Variants in KIAA1958 observed in about 807,000 individuals in gnomAD.
The protein encoded by KIAA1958 is KIAA1958.
KIAA1958 carries 14 observed loss-of-function variants against 47.2 expected under a neutral mutation model. That is an observed-to-expected ratio of 0.30 (90% CI 0.20 to 0.46). The LOEUF is 0.46. Among genes scored for constraint, KIAA1958 ranks in the 20% least tolerant of loss-of-function variants. The pLI, the probability that KIAA1958 is intolerant of heterozygous loss-of-function variation, is 1.00. For synonymous variants in KIAA1958, 354 were observed against 353.3 expected, an observed-to-expected ratio of 1.00 and a Z score of -0.02; for missense variants, 803 against 909.2, an observed-to-expected ratio of 0.88 and a Z score of 1.50.
chr9:112,601,319 T>C (rs968529197), intron 2 of KIAA1958, among the ~76,000 whole-genome samples: 1 of 152,144 alleles, frequency 6.6e-6, no homozygotes, highest in African/African-American at 2.4e-5. Context: ...TAAATAAACA[T>C]TATTTAACAG....
intron 1 of KIAA1958, among the ~76,000 whole-genome samples, chr9:112,538,104 G>T (rs1006418723): frequency 6.6e-5 from 10 of 152,200 alleles, no homozygotes; most frequent in Non-Finnish European, 1.3e-4. Context: ...GCCAAGGCAG[G>T]AGGGTATCTT....
chr9:112,617,348 T>G (rs1836423666), intron 2 of KIAA1958, among the ~76,000 whole-genome samples: 1 of 152,240 alleles, frequency 6.6e-6, no homozygotes, highest in South Asian at 2.1e-4. Flanking sequence ...AGTATTTAAT[T>G]AACTGCCATA....
chr9:112,622,483 A>T (rs953454328), intron 2 of KIAA1958, among the ~76,000 whole-genome samples: 10 of 152,320 alleles, frequency 6.6e-5, no homozygotes, highest in African/African-American at 1.9e-4. Flanking sequence ...AGCTATTTTT[A>T]AAAAAACTAT....
At chr9:112,516,466 T>C (rs1467889450) in intron 1 of KIAA1958, among the ~76,000 whole-genome samples, 1 of 152,218 alleles carries the variant, frequency 6.6e-6, no homozygotes. Context: ...AAGGCTTAAA[T>C]AAGTCGAGAT....
At chr9:112,578,580 T>G (rs531976469) in intron 2 of KIAA1958, among the ~76,000 whole-genome samples, 1 of 152,198 alleles carries the variant, frequency 6.6e-6, no homozygotes, top group African/African-American at 2.4e-5. Flanking sequence ...ACTGTTGCCA[T>G]TTAAATTTGA....
At chr9:112,539,999 A>G (rs1321820972) in intron 1 of KIAA1958, among the ~76,000 whole-genome samples, 2 of 152,224 alleles carry the variant, frequency 1.3e-5, no homozygotes, top group Admixed American at 6.5e-5. Context: ...CTGTAAATAC[A>G]TATATTTATG....
At chr9:112,495,570 G>A (rs1319210505) in intron 1 of KIAA1958, among the ~76,000 whole-genome samples, 1 of 152,200 alleles carries the variant, frequency 6.6e-6, no homozygotes, top group Non-Finnish European at 1.5e-5. Flanking sequence ...TATTCAAAGT[G>A]TAAATTGGAA....
At chr9:112,657,191 G>A (rs1837165717) in intron 3 of KIAA1958, among the ~76,000 whole-genome samples, 1 of 151,922 alleles carries the variant, frequency 6.6e-6, no homozygotes, top group Admixed American at 6.6e-5. Flanking sequence ...TGCCTCAAGC[G>A]ATTCTCCTGC....
rs956025900 is a variant in KIAA1958 at position 112,631,556 on chromosome 9, A to G, written c.1172-14094A>G. The stretch of plus-strand genomic sequence containing the variant: ...AAAGAAAAAAAAAAAAAAAAAAAAA[A>G]GGAAGTAAAACCACCATTTGCTTTG... On this transcript the variant is annotated intron_variant, in intron 2 of 3. Transcript: ENST00000337530. Among the ~76,000 whole-genome samples the G allele has an allele frequency of 3.6e-5, 5 of 138,074 alleles. No homozygotes were observed. In the South Asian group the frequency reaches 1.2e-3, roughly 32 times the overall value. The allele number at this position is 138,074 out of a possible 152,430, so 90.6% of individuals were successfully genotyped here. A position where few individuals can be genotyped will look rare whatever the true frequency, so the allele number is the denominator to read the frequency against.
chr9:112,548,152 C>T (rs1315596485), intron 1 of KIAA1958, among the ~76,000 whole-genome samples: 3 of 151,930 alleles, frequency 2.0e-5, no homozygotes. Context: ...TACAGGCAAG[C>T]GCCACCACAC....
chr9:112,553,013 C>G (rs1835181887), intron 1 of KIAA1958, among the ~76,000 whole-genome samples: 1 of 152,022 alleles, frequency 6.6e-6, no homozygotes. Context: ...TAGTACTCAC[C>G]CCGGGTTAGA....
In KIAA1958 at chr9:112,662,463, C is replaced by G. The variant is rs537474500; in HGVS notation, c.*2394C>G. ...ACATATACATAAGTGTTTACACACA[C>G]ACACGCACAATATGTGGTTAAGCCT... On this transcript the variant is annotated 3_prime_UTR_variant, in exon 4 of 4. Transcript: ENST00000337530. 6.6e-6 allele frequency: 1 copy of G among 151,482 alleles called. No homozygotes were observed. Among genetic ancestry groups the G allele is most frequent in the African/African-American group, 2.4e-5 (1 of 40,876 alleles). The allele number at this position is 151,482 out of a possible 1,614,324, so 9.4% of individuals were successfully genotyped here.
intron 3 of KIAA1958, among the ~76,000 whole-genome samples, chr9:112,656,627 A>C (rs1011425843): frequency 3.9e-5 from 6 of 152,194 alleles, no homozygotes; most frequent in African/African-American, 1.4e-4. Context: ...GATTTGGGCT[A>C]GAAAAAAATG....
At chr9:112,519,669 A>G (rs1016155653) in intron 1 of KIAA1958, among the ~76,000 whole-genome samples, 8 of 152,186 alleles carry the variant, frequency 5.3e-5, no homozygotes, top group Non-Finnish European at 7.4e-5. Context: ...AGGCATGCTG[A>G]TTAGGAAAAC....
chr9:112,537,258 A>G (rs1424204433), intron 1 of KIAA1958, among the ~76,000 whole-genome samples: 1 of 152,056 alleles, frequency 6.6e-6, no homozygotes, highest in Non-Finnish European at 1.5e-5. Flanking sequence ...GGCACAAGCC[A>G]CCACACCCGA....
chr9:112,565,779 T>G (rs1204343508), intron 1 of KIAA1958, among the ~76,000 whole-genome samples: 2 of 152,250 alleles, frequency 1.3e-5, no homozygotes, highest in Non-Finnish European at 2.9e-5. Flanking sequence ...TGAAATATAT[T>G]GATAGTAATT....
chr9:112,490,580 C>CT (rs1420103674), intron 1 of KIAA1958, among the ~76,000 whole-genome samples: 14 of 152,138 alleles, frequency 9.2e-5, no homozygotes. Context: ...TGTGTAAATT[C>CT]TGTTGTTTGG....
At chr9:112,506,028 A>C (rs1490897619) in intron 1 of KIAA1958, among the ~76,000 whole-genome samples, 3 of 152,252 alleles carry the variant, frequency 2.0e-5, no homozygotes, top group Non-Finnish European at 2.9e-5. Context: ...CGCTGAACTC[A>C]TATAATGGAT....
intron 1 of KIAA1958, among the ~76,000 whole-genome samples, chr9:112,560,237 G>A (rs952175303): frequency 1.9e-4 from 27 of 139,154 alleles, no homozygotes; most frequent in South Asian, 1.3e-3. Flanking sequence ...GTCTTGCTGC[G>A]TCATCCAGGG....
Sources: gnomAD v4.1 joint callset for allele counts (sites outside exome capture counted in the v4.1 genomes callset) on GRCh38, gnomAD v4.1.1 for gene constraint, MANE v1.5 for transcripts, NCBI Gene and HGNC (gene_info 2026-07-23, HGNC 2026-07-21) for gene names.